Variants in CCDC18 observed in about 807,000 individuals in gnomAD.
CCDC18 encodes the protein coiled-coil domain containing 18, also known as coiled-coil domain-containing protein 18.
In CCDC18, 157 loss-of-function variants were observed where a neutral mutation model predicts 196.0. The observed-to-expected ratio is 0.80, with a 90% CI of 0.70 to 0.91. The LOEUF (loss-of-function observed/expected upper bound fraction) is 0.91. Ranked by LOEUF, CCDC18 falls within the 40% of genes least tolerant of loss-of-function variation. The pLI is 0.00. For missense variants in CCDC18, 1,465 were observed against 1,611.6 expected (o/e 0.91, Z 1.56); for synonymous variants, 482 against 529.2 (o/e 0.91, Z 1.22).
intron 26 of CCDC18, among the ~76,000 whole-genome samples, chr1:93,261,429 G>C (rs1170842820): frequency 2.0e-5 from 3 of 151,932 alleles, no homozygotes; most frequent in African/African-American, 7.3e-5. Context: ...TTATCTAAAA[G>C]AGAATACTTT....
intron 23 of CCDC18, among the ~76,000 whole-genome samples, chr1:93,250,250 G>A (rs1662048180): frequency 6.6e-6 from 1 of 151,710 alleles, no homozygotes; most frequent in African/African-American, 2.4e-5. Flanking sequence ...GTGTGATGAT[G>A]AGCACTTGTA....
At position 93,236,386 on chromosome 1, in the gene CCDC18, G is replaced by A; in HGVS notation, c.2599G>A (p.Ala867Thr). 1.9e-6 allele frequency: 3 copies of A among 1,589,240 alleles called. No homozygotes were observed. Among genetic ancestry groups the A allele is most frequent in the Non-Finnish European group, 2.6e-6 (3 of 1,172,216 alleles). ...AAAAGTGATTGAGCTTACTGGCACTGCCAGGTAAAATGTGAATATGTTTTA... is the reference window on the plus strand; with the variant it reads ...AAAAGTGATTGAGCTTACTGGCACTACCAGGTAAAATGTGAATATGTTTTA... ...RQKVIELTGT[A>T]RQVKIEMDQY... is the part of the protein sequence containing the mutation. The change falls in exon 19 of 29, where the codon GCC (alanine) becomes ACC (threonine). Residue 867 changes from alanine (A) to threonine (T), a missense_variant. Coordinates refer to ENST00000690025, the MANE Select transcript of CCDC18 (RefSeq NM_001378204.1).
chr1:93,221,976 T>C, intron 16 of CCDC18, 40 bp downstream of exon 16: 3 of 1,380,076 alleles, frequency 2.2e-6, no homozygotes, highest in Non-Finnish European at 3.0e-6. Flanking sequence ...CTTTCCTTTT[T>C]TTTTTTTTTA....
intron 21 of CCDC18, among the ~76,000 whole-genome samples, chr1:93,242,426 C>G (rs749729549): frequency 3.3e-5 from 5 of 152,132 alleles, no homozygotes; most frequent in Non-Finnish European, 7.4e-5. Flanking sequence ...AGACCTGCCC[C>G]CATGATTCAG....
At chr1:93,232,864 A>G (rs1480933275) in intron 18 of CCDC18, among the ~76,000 whole-genome samples, 3 of 152,134 alleles carry the variant, frequency 2.0e-5, no homozygotes, top group African/African-American at 7.2e-5. Flanking sequence ...CCAGCTACTG[A>G]GGAGGCTGAG....
In CCDC18 at chr1:93,186,869, A is replaced by G. The variant is rs116736092; in HGVS notation, c.462+366A>G. Among the ~76,000 whole-genome samples the G allele has an allele frequency of 8.3e-3, 1,267 of 152,140 alleles. 16 individuals are homozygous for G. Among genetic ancestry groups the G allele is most frequent in the African/African-American group, 0.029 (1,212 of 41,562 alleles). ...GCAAAAAGAGGAAGAAAGATCACCC[A>G]GAGTTTCCACCTAGAAACCACTTTA... On this transcript the variant is annotated intron_variant, in intron 4 of 28. Coordinates refer to ENST00000690025, the MANE Select transcript of CCDC18 (RefSeq NM_001378204.1).
intron 3 of CCDC18, among the ~76,000 whole-genome samples, chr1:93,184,684 CT>C (rs1454095362): frequency 6.6e-6 from 1 of 151,808 alleles, no homozygotes; most frequent in African/African-American, 2.4e-5. Flanking sequence ...CTTTTATCTC[CT>C]TTTACACTCT....
intron 14 of CCDC18, among the ~76,000 whole-genome samples, chr1:93,218,549 G>A (rs768605701): frequency 2.0e-5 from 3 of 151,530 alleles, no homozygotes; most frequent in Non-Finnish European, 4.4e-5. Context: ...TCGCTCTGTC[G>A]GCCAGGCTGG....
intron 26 of CCDC18, 60 bp downstream of exon 26, chr1:93,258,945 C>CA: frequency 2.8e-6 from 4 of 1,407,656 alleles, no homozygotes; most frequent in Non-Finnish European, 3.8e-6. Context: ...CCTATCTGGA[C>CA]AAAAGTATGA....
Position 93,216,609 on chromosome 1 carries a change from T to G in CCDC18, c.1720-27T>G, listed in dbSNP as rs1389742254. 2.6e-6 allele frequency: 3 copies of G among 1,169,434 alleles called. 1 individual carries two copies. The South Asian group carries it at 4.2e-5, about 16-fold the overall frequency. The allele number at this position is 1,169,434 out of a possible 1,614,324, so 72.4% of individuals were successfully genotyped here. On this transcript the variant is annotated intron_variant, in intron 12 of 28. Coordinates refer to ENST00000690025, the MANE Select transcript of CCDC18 (RefSeq NM_001378204.1). The stretch of plus-strand genomic sequence containing the variant: ...AAAATCATTACCTTTAAAAAATAAT[T>G]TTACATTTATTTCAATGTGTTTTCA...
At chr1:93,190,795 T>C in intron 4 of CCDC18, 1 of 687,254 alleles carries the variant, frequency 1.5e-6, no homozygotes, top group South Asian at 1.5e-5. Flanking sequence ...TTGAGAAAGC[T>C]TGCATCTTTT....
chr1:93,212,588 T>G (rs1049027305), intron 11 of CCDC18, among the ~76,000 whole-genome samples: 8 of 152,230 alleles, frequency 5.3e-5, no homozygotes, highest in Non-Finnish European at 1.2e-4. Flanking sequence ...ATTTATCAAC[T>G]GTTTGGTTTC....
intron 4 of CCDC18, among the ~76,000 whole-genome samples, chr1:93,189,162 C>G (rs982630580): frequency 6.6e-6 from 1 of 152,146 alleles, no homozygotes; most frequent in African/African-American, 2.4e-5. Context: ...TCCTTTTACT[C>G]TCTGTGTCCA....
At chr1:93,203,248 G>C (rs528208520) in intron 7 of CCDC18, among the ~76,000 whole-genome samples, 1 of 152,154 alleles carries the variant, frequency 6.6e-6, no homozygotes, top group Non-Finnish European at 1.5e-5. Context: ...GATATTTTTA[G>C]GTTGCTGGTT....
Position 93,246,893 on chromosome 1 carries a change from TAATTA to T in CCDC18, c.3143_3147del (p.Lys1048ArgfsTer12). ...CACAGAGGAGAAATGGAACAAAAAA[TAATTA>T]AATTAGAAGGTACTCTGGAGAAATC... is the stretch of plus-strand genomic sequence containing the variant. On this transcript the variant is annotated frameshift_variant, in exon 23 of 29. Transcript: ENST00000690025. LOFTEE classifies it high-confidence loss of function. 4 of 1,545,980 alleles carry T rather than the reference TAATTA, an allele frequency of 2.6e-6. No homozygotes were observed. The South Asian group carries it at 4.7e-5, about 18-fold the overall frequency.
At chr1:93,215,455 C>CTTTT (rs60117060) in intron 12 of CCDC18, among the ~76,000 whole-genome samples, 1 of 139,912 alleles carries the variant, frequency 7.1e-6, no homozygotes, top group Non-Finnish European at 1.6e-5. Context: ...TTTTCTTTTT[C>CTTTT]TTTTTTTTTT....
chr1:93,251,208 A>G (rs1277211436), intron 23 of CCDC18, among the ~76,000 whole-genome samples: 2 of 152,202 alleles, frequency 1.3e-5, no homozygotes, highest in African/African-American at 4.8e-5. Context: ...GATAGCAAAA[A>G]CAAAAAAAAG....
At chr1:93,234,973 G>GTGT (rs1557668666) in intron 18 of CCDC18, among the ~76,000 whole-genome samples, 10 of 146,282 alleles carry the variant, frequency 6.8e-5, no homozygotes, top group South Asian at 4.4e-4. Flanking sequence ...GTGTGTGTGT[G>GTGT]GCTTTTCTTT....
intron 28 of CCDC18, among the ~76,000 whole-genome samples, chr1:93,276,227 CTATT>C (rs1665614727): frequency 6.6e-6 from 1 of 152,222 alleles, no homozygotes; most frequent in African/African-American, 2.4e-5. Context: ...AGCCCAAATA[CTATT>C]TTCCTAATGG....
Sources: allele counts gnomAD v4.1 joint callset (sites outside exome capture counted in the v4.1 genomes callset), GRCh38; gene constraint gnomAD v4.1.1; transcripts MANE v1.5; gene names NCBI Gene and HGNC (gene_info 2026-07-23, HGNC 2026-07-21).